The following RBFOX1 variants were observed in gnomAD, a reference collection of about 807,000 sequenced individuals.
The protein encoded by RBFOX1 is RNA binding protein fox-1 homolog 1.
RBFOX1 carries 8 observed loss-of-function variants against 57.7 expected under a neutral mutation model. The ratio of observed to expected loss-of-function variants is 0.14; its 90% confidence interval spans 0.08 to 0.25. The LOEUF is 0.25. Ranked by LOEUF, RBFOX1 falls within the 10% of genes least tolerant of loss-of-function variation. The pLI, the probability that RBFOX1 is intolerant of heterozygous loss-of-function variation, is 1.00. For synonymous variants in RBFOX1, 326 were observed against 222.4 expected, an observed-to-expected ratio of 1.47 and a Z score of -4.15; for missense variants, 611 against 548.5, an observed-to-expected ratio of 1.11 and a Z score of -1.14.
chr16:5,371,236 C>T (rs1046617132), intron 1 of RBFOX1, among the ~76,000 whole-genome samples: 3 of 152,214 alleles, frequency 2.0e-5, no homozygotes, highest in Non-Finnish European at 2.9e-5. Context: ...GCGTGAGCCC[C>T]CTGTGCCCAG....
chr16:5,724,299 C>G (rs1002456833), intron 3 of RBFOX1, among the ~76,000 whole-genome samples: 14 of 152,160 alleles, frequency 9.2e-5, no homozygotes, highest in African/African-American at 3.4e-4. Flanking sequence ...CTTGCGCACC[C>G]TAAAGGCACG....
At chr16:5,973,892 A>T (rs1025200634) in intron 4 of RBFOX1, among the ~76,000 whole-genome samples, 2 of 152,166 alleles carry the variant, frequency 1.3e-5, no homozygotes, top group African/African-American at 2.4e-5. Context: ...TTCACTTCGT[A>T]GGGCTCAGAA....
At chr16:7,449,661 C>G (rs1440314881) in intron 4 of RBFOX1, among the ~76,000 whole-genome samples, 1 of 134,650 alleles carries the variant, frequency 7.4e-6, no homozygotes, top group Non-Finnish European at 1.5e-5. Context: ...CATAGTAGGT[C>G]TTGGTGATAA....
intron 2 of RBFOX1, among the ~76,000 whole-genome samples, chr16:6,474,175 G>C (rs2095236452): frequency 1.3e-5 from 2 of 152,014 alleles, no homozygotes; most frequent in African/African-American, 4.8e-5. Flanking sequence ...AAAGAAGGGA[G>C]GGAAAAGGAT....
rs76276587 is a variant in RBFOX1 at position 7,290,215 on chromosome 16, A to G, written c.28-227932A>G. Among the ~76,000 whole-genome samples the G allele has an allele frequency of 5.5e-3, 840 of 152,342 alleles. 9 individuals carry two copies. The highest frequency in any genetic ancestry group is 0.031 in the Middle Eastern group (9 of 294). ...ATGTGAAGCATGTATCGTAAAGGCA[A>G]TTAGTGAGAAAATGAGGCTATTTTG... On this transcript the variant is annotated intron_variant, in intron 4 of 15. Coordinates refer to ENST00000550418, the MANE Select transcript of RBFOX1 (RefSeq NM_018723.4).
At chr16:7,493,098 C>G (rs184235853) in intron 4 of RBFOX1, among the ~76,000 whole-genome samples, 3 of 152,284 alleles carry the variant, frequency 2.0e-5, no homozygotes, top group East Asian at 3.9e-4. Flanking sequence ...AGGCTGGTCT[C>G]AAACTCCTGA....
At chr16:7,512,170 C>G (rs1024254741) in intron 4 of RBFOX1, among the ~76,000 whole-genome samples, 4 of 152,180 alleles carry the variant, frequency 2.6e-5, no homozygotes, top group Non-Finnish European at 5.9e-5. Context: ...GAGGGAATGT[C>G]TAGCCAGAAT....
intron 3 of RBFOX1, among the ~76,000 whole-genome samples, chr16:5,706,247 A>G (rs1313799753): frequency 6.6e-6 from 1 of 152,178 alleles, no homozygotes; most frequent in Non-Finnish European, 1.5e-5. Context: ...GTCTTAGAAC[A>G]TTCCGAAAGT....
At chr16:7,463,964 C>G (rs554757882) in intron 4 of RBFOX1, among the ~76,000 whole-genome samples, 12 of 152,314 alleles carry the variant, frequency 7.9e-5, no homozygotes, top group African/African-American at 2.6e-4. Context: ...GCTTTGGTGT[C>G]TTGCCCTGGG....
At chr16:5,264,960 AG>A (rs2062822651) in intron 1 of RBFOX1, among the ~76,000 whole-genome samples, 1 of 152,210 alleles carries the variant, frequency 6.6e-6, no homozygotes, top group South Asian at 2.1e-4. Context: ...TTGTTATTGC[AG>A]CAAAACCTAA....
chr16:6,089,628 C>G (rs1446258436), intron 1 of RBFOX1, among the ~76,000 whole-genome samples: 1 of 152,144 alleles, frequency 6.6e-6, no homozygotes, highest in Non-Finnish European at 1.5e-5. Flanking sequence ...TTTGTGTTAT[C>G]AGCTAATGAT....
chr16:5,555,983 T>TGG (rs2045658728), intron 2 of RBFOX1, among the ~76,000 whole-genome samples: 1 of 152,052 alleles, frequency 6.6e-6, no homozygotes, highest in African/African-American at 2.4e-5. Context: ...GTCATGCCAT[T>TGG]GCACTCCAGC....
chr16:6,916,623 G>A (rs532380437), intron 3 of RBFOX1, among the ~76,000 whole-genome samples: 139 of 152,090 alleles, frequency 9.1e-4, no homozygotes, highest in South Asian at 5.6e-3. Context: ...GCTATTGGCC[G>A]TTCTGGCTTG....
intron 1 of RBFOX1, among the ~76,000 whole-genome samples, chr16:5,253,050 G>A (rs1467681150): frequency 6.6e-6 from 1 of 152,188 alleles, no homozygotes; most frequent in African/African-American, 2.4e-5. Flanking sequence ...GCAAAGAGCC[G>A]CTTAATTTTC....
chr16:7,165,875 C>G (rs762927269), intron 4 of RBFOX1, among the ~76,000 whole-genome samples: 3 of 151,348 alleles, frequency 2.0e-5, no homozygotes, highest in South Asian at 4.2e-4. Context: ...TGTTTTTATT[C>G]TTGAATAGAT....
At chr16:7,299,820 A>G (rs1411746770) in intron 4 of RBFOX1, among the ~76,000 whole-genome samples, 1 of 152,222 alleles carries the variant, frequency 6.6e-6, no homozygotes, top group African/African-American at 2.4e-5. Context: ...TCATGTAGAC[A>G]TGCTCCTCAG....
chr16:5,554,768 T>C lies in RBFOX1; in HGVS notation c.259-44134T>C, dbSNP rs146906431. Among the ~76,000 whole-genome samples the C allele has an allele frequency of 9.5e-3, 1,450 of 152,352 alleles. 11 individuals carry two copies. Among genetic ancestry groups the C allele is most frequent in the Middle Eastern group, 0.041 (12 of 294 alleles). ...TCAACAAAGAGAAGCAAGGAATGAA[T>C]GCTTGACACTGGTGGATGATGGATT... On this transcript the variant is annotated intron_variant, in intron 2 of 2. Transcript: ENST00000585867.
chr16:6,642,795 A>T (rs957263866), intron 2 of RBFOX1, among the ~76,000 whole-genome samples: 13 of 152,116 alleles, frequency 8.5e-5, no homozygotes, highest in Admixed American at 7.9e-4. Context: ...TGTCAGAGAA[A>T]ATATCCCCTT....
intron 1 of RBFOX1, among the ~76,000 whole-genome samples, chr16:6,034,909 T>A (rs1457261293): frequency 6.7e-6 from 1 of 149,886 alleles, no homozygotes; most frequent in Non-Finnish European, 1.5e-5. Flanking sequence ...GGAGTCACAC[T>A]CAGGGCCTCT....
Sources: allele counts gnomAD v4.1 joint callset (sites outside exome capture counted in the v4.1 genomes callset), GRCh38; gene constraint gnomAD v4.1.1; transcripts MANE v1.5; gene names NCBI Gene and HGNC (gene_info 2026-07-23, HGNC 2026-07-21).